Variants in ZBTB7C observed in about 807,000 individuals in gnomAD.
ZBTB7C encodes the protein zinc finger and BTB domain-containing protein 7C.
ZBTB7C carries 8 observed loss-of-function variants against 25.7 expected under a neutral mutation model. That is an observed-to-expected ratio of 0.31 (90% CI 0.18 to 0.56). ZBTB7C has a LOEUF of 0.56. ZBTB7C is among the 20% of genes least tolerant of loss of function. ZBTB7C has a pLI of 0.91. For synonymous variants in ZBTB7C, 394 were observed against 369.0 expected, an observed-to-expected ratio of 1.07 and a Z score of -0.78; for missense variants, 824 against 855.2, an observed-to-expected ratio of 0.96 and a Z score of 0.46.
At position 48,208,469 on chromosome 18, in the gene ZBTB7C, C is replaced by T. The variant is rs375140886; in HGVS notation, c.-78-22474G>A. Among the ~76,000 whole-genome samples, 17 of 152,208 alleles carry T rather than the reference C, an allele frequency of 1.1e-4. No individual in the cohort carries two copies. In the East Asian group the frequency reaches 3.1e-3, roughly 28 times the overall value. On this transcript the variant is annotated intron_variant, in intron 2 of 4. Coordinates refer to ENST00000590800, the MANE Select transcript of ZBTB7C (RefSeq NM_001318841.2). ...AAACCCCAGATCTTCGAACTCATGT[C>T]TCTCTAACTTCTACTTATGCCCCAG...
At chr18:48,193,205 C>T (rs929417421) in intron 2 of ZBTB7C, among the ~76,000 whole-genome samples, 2 of 152,114 alleles carry the variant, frequency 1.3e-5, no homozygotes, top group African/African-American at 4.8e-5. Context: ...GGCTGTGCAC[C>T]CCAGCAACCC....
intron 2 of ZBTB7C, among the ~76,000 whole-genome samples, chr18:48,281,074 G>A (rs920169090): frequency 5.3e-5 from 8 of 151,922 alleles, no homozygotes; most frequent in African/African-American, 1.2e-4. Context: ...GACTGGTCTC[G>A]AACCCCTGAC....
intron 3 of ZBTB7C, among the ~76,000 whole-genome samples, chr18:48,064,740 C>T (rs540773954): frequency 6.6e-6 from 1 of 151,806 alleles, no homozygotes; most frequent in Non-Finnish European, 1.5e-5. Context: ...GAGACTATCT[C>T]AAAAAATAAA....
chr18:48,293,701 C>T (rs766187088), intron 2 of ZBTB7C, among the ~76,000 whole-genome samples: 1 of 152,124 alleles, frequency 6.6e-6, no homozygotes, highest in South Asian at 2.1e-4. Context: ...ATCCTCTCCC[C>T]TCATCCCTAT....
At chr18:48,280,188 AAGG>A (rs2044794056) in intron 2 of ZBTB7C, among the ~76,000 whole-genome samples, 2 of 152,000 alleles carry the variant, frequency 1.3e-5, no homozygotes, top group African/African-American at 4.8e-5. Flanking sequence ...CTTGTCAGAG[AAGG>A]AGGAGTGGGC....
At chr18:48,257,293 A>G (rs1313951819) in intron 2 of ZBTB7C, among the ~76,000 whole-genome samples, 1 of 152,132 alleles carries the variant, frequency 6.6e-6, no homozygotes, top group Non-Finnish European at 1.5e-5. Flanking sequence ...CAGGAGGAGG[A>G]CATAACAATT....
chr18:48,253,793 G>A (rs2043939434), intron 2 of ZBTB7C, among the ~76,000 whole-genome samples: 1 of 152,162 alleles, frequency 6.6e-6, no homozygotes, highest in African/African-American at 2.4e-5. Context: ...CCCTCAAAGG[G>A]TTAACAAGAA....
At chr18:48,137,750 C>A (rs894106622) in intron 3 of ZBTB7C, among the ~76,000 whole-genome samples, 15 of 152,234 alleles carry the variant, frequency 9.9e-5, no homozygotes, top group Non-Finnish European at 2.1e-4. Context: ...CACAGACACC[C>A]CTTCCCCTCG....
At position 48,027,220 on chromosome 18, in the gene ZBTB7C, T is replaced by C. The variant is rs2035553676; in HGVS notation, c.*2040A>G. The stretch of plus-strand genomic sequence containing the variant: ...CTCAACATCTTTGGATATTTTACAA[T>C]GTACAATTCCAAACTGCAGCCAAGA... On this transcript the variant is annotated 3_prime_UTR_variant, in exon 5 of 5. Transcript: ENST00000590800. The C allele has an allele frequency of 6.6e-6, 1 of 151,912 alleles. No homozygotes were observed. Among genetic ancestry groups the C allele is most frequent in the Non-Finnish European group, 1.5e-5 (1 of 68,010 alleles). The allele number at this position is 151,912 out of a possible 1,614,324, so 9.4% of individuals were successfully genotyped here. A position where few individuals can be genotyped will look rare whatever the true frequency, so the allele number is the denominator to read the frequency against.
intron 1 of ZBTB7C, among the ~76,000 whole-genome samples, chr18:48,397,359 G>A (rs1201236312): frequency 2.6e-5 from 4 of 152,030 alleles, no homozygotes; most frequent in Admixed American, 2.0e-4. Flanking sequence ...TGTTGGTCCC[G>A]CTACCATTCC....
In ZBTB7C at chr18:48,182,751, C is replaced by A. The variant is rs544287217; in HGVS notation, c.-17+3183G>T. On this transcript the variant is annotated intron_variant, in intron 3 of 4. Transcript: ENST00000590800. ...AACCACAGTGAAAACTCACACGGTG[C>A]TGACAATGCAGGAAATCTAAATGCA... Among the ~76,000 whole-genome samples, 5 of 152,308 alleles carry A rather than the reference C, an allele frequency of 3.3e-5. No individual in the cohort carries two copies. In the South Asian group the frequency reaches 6.2e-4, roughly 19 times the overall value.
At chr18:48,276,100 A>G (rs566395877) in intron 2 of ZBTB7C, among the ~76,000 whole-genome samples, 1 of 152,176 alleles carries the variant, frequency 6.6e-6, no homozygotes, top group East Asian at 1.9e-4. Context: ...GATCATTGAG[A>G]CAGTAAAAAG....
chr18:48,029,395 G>A lies in ZBTB7C; in HGVS notation c.1725C>T (p.Ala575=), dbSNP rs1228609795. The change falls in exon 5 of 5, where the codon GCC becomes GCT. Residue 575 remains alanine, a synonymous_variant. Coordinates refer to ENST00000590800, the MANE Select transcript of ZBTB7C (RefSeq NM_001318841.2). ...EAERNAGGLL[A]FALAENVAAA... Reference sequence around the variant, plus strand: ...CCGCCACGTTCTCGGCCAGCGCGAAGGCCAGGAGGCCCCCCGCGTTCCTCT... The same window carrying A: ...CCGCCACGTTCTCGGCCAGCGCGAAAGCCAGGAGGCCCCCCGCGTTCCTCT... 4 of 1,567,074 alleles carry A rather than the reference G, an allele frequency of 2.6e-6. No individual in the cohort carries two copies. Among genetic ancestry groups the A allele is most frequent in the Non-Finnish European group, 3.4e-6 (4 of 1,160,518 alleles).
At chr18:48,225,316 A>T (rs1373987822) in intron 2 of ZBTB7C, among the ~76,000 whole-genome samples, 2 of 151,720 alleles carry the variant, frequency 1.3e-5, no homozygotes, top group Non-Finnish European at 2.9e-5. Context: ...AGGGAGAGGG[A>T]GAGGGGAAGG....
chr18:48,181,375 T>C (rs533397265), intron 3 of ZBTB7C, among the ~76,000 whole-genome samples: 1 of 152,304 alleles, frequency 6.6e-6, no homozygotes, highest in South Asian at 2.1e-4. Flanking sequence ...CTGGCAGACC[T>C]GCCTGGGCTG....
intron 3 of ZBTB7C, among the ~76,000 whole-genome samples, chr18:48,161,678 C>G (rs942195728): frequency 2.7e-5 from 4 of 146,166 alleles, no homozygotes; most frequent in African/African-American, 7.7e-5. Context: ...CTTCCTGCAG[C>G]GTTCACTCGG....
intron 3 of ZBTB7C, among the ~76,000 whole-genome samples, chr18:48,115,552 T>TACAC (rs1011375874): frequency 2.0e-5 from 3 of 151,802 alleles, no homozygotes; most frequent in African/African-American, 4.8e-5. Flanking sequence ...GAGTGACCTT[T>TACAC]ACACACACAC....
At chr18:48,275,770 GC>G (rs762792592) in intron 2 of ZBTB7C, among the ~76,000 whole-genome samples, 5 of 152,162 alleles carry the variant, frequency 3.3e-5, no homozygotes, top group Non-Finnish European at 7.3e-5. Context: ...ACCTTGGTAA[GC>G]CTCATCTTTC....
In ZBTB7C at chr18:48,358,618, G is replaced by A. The variant is rs1431720529; in HGVS notation, c.-303-20220C>T. Among the ~76,000 whole-genome samples the A allele has an allele frequency of 2.0e-5, 3 of 152,208 alleles. No homozygotes were observed. In the South Asian group the frequency reaches 6.2e-4, roughly 32 times the overall value. On this transcript the variant is annotated intron_variant, in intron 1 of 4. Coordinates refer to ENST00000590800, the MANE Select transcript of ZBTB7C (RefSeq NM_001318841.2). ...CTAACACAGCAGCACAACTCTTGCA[G>A]GCATGGAATTGATTTCTGTGCCAGT...
Sources: gnomAD v4.1 joint callset for allele counts (sites outside exome capture counted in the v4.1 genomes callset) on GRCh38, gnomAD v4.1.1 for gene constraint, MANE v1.5 for transcripts, NCBI Gene and HGNC (gene_info 2026-07-23, HGNC 2026-07-21) for gene names.